The following ZBBX variants were observed in gnomAD, a reference collection of about 807,000 sequenced individuals.
ZBBX encodes the protein zinc finger B-box domain containing, also known as zinc finger B-box domain-containing protein 1.
ZBBX carries 101 observed loss-of-function variants against 108.5 expected under a neutral mutation model. That is an observed-to-expected ratio of 0.93 (90% CI 0.79 to 1.10). The LOEUF (loss-of-function observed/expected upper bound fraction) is 1.10, where lower values mean the gene tolerates loss of function less well. ZBBX is among the 50% of genes least tolerant of loss of function. The pLI, the probability that ZBBX is intolerant of heterozygous loss-of-function variation, is 0.00. For synonymous variants in ZBBX, 356 were observed against 323.4 expected, an observed-to-expected ratio of 1.10 and a Z score of -1.08; for missense variants, 1,009 against 941.4, an observed-to-expected ratio of 1.07 and a Z score of -0.94.
At chr3:167,191,934 T>TATATAGAGAGAGAGAG in the ZBBX span, among the ~76,000 whole-genome samples, 12 of 130,224 alleles carry the variant, frequency 9.2e-5, no homozygotes, top group African/African-American at 3.0e-4. Context: ...TATATATATA[T>TATATAGAGAGAGAGAG]AGAGCAAGTT....
At chr3:167,191,084 C>A in the ZBBX span, among the ~76,000 whole-genome samples, 1 of 152,136 alleles carries the variant, frequency 6.6e-6, no homozygotes, top group Admixed American at 6.5e-5. Context: ...CTGTTTCAAC[C>A]AAGTTACTAA....
intron 9 of ZBBX, among the ~76,000 whole-genome samples, chr3:167,342,390 ATG>A (rs1409781247): frequency 6.6e-6 from 1 of 151,832 alleles, no homozygotes; most frequent in Non-Finnish European, 1.5e-5. Flanking sequence ...ATTATCCTCT[ATG>A]TGTGAATAAA....
At chr3:167,347,327 T>C (rs1001522690) in intron 9 of ZBBX, among the ~76,000 whole-genome samples, 14 of 152,026 alleles carry the variant, frequency 9.2e-5, no homozygotes, top group Non-Finnish European at 2.1e-4. Flanking sequence ...CATATTAACA[T>C]ATCCATCACC....
chr3:167,387,794 C>T (rs1747963932), intron 1 of ZBBX, among the ~76,000 whole-genome samples: 1 of 151,896 alleles, frequency 6.6e-6, no homozygotes, highest in African/African-American at 2.4e-5. Flanking sequence ...TTATCAAAAT[C>T]TTATCAATGG....
At chr3:167,324,180 TG>T (rs1387147457) in intron 11 of ZBBX, among the ~76,000 whole-genome samples, 1 of 152,026 alleles carries the variant, frequency 6.6e-6, no homozygotes, top group Non-Finnish European at 1.5e-5. Flanking sequence ...GCTCTCACAT[TG>T]TCACCCAGGG....
intron 8 of ZBBX, among the ~76,000 whole-genome samples, chr3:167,357,248 T>A (rs180792038): frequency 6.6e-6 from 1 of 152,028 alleles, no homozygotes; most frequent in African/African-American, 2.4e-5. Flanking sequence ...GAAACAGATA[T>A]CAATGTCAAA....
downstream of ZBBX, among the ~76,000 whole-genome samples, chr3:167,236,237 G>A (rs1365760490): frequency 6.6e-6 from 1 of 151,610 alleles, no homozygotes; most frequent in Non-Finnish European, 1.5e-5. Context: ...CATAAACACT[G>A]GCTTTTTACA....
At chr3:167,281,104 TG>T (rs1201671163) in intron 20 of ZBBX, among the ~76,000 whole-genome samples, 1 of 151,902 alleles carries the variant, frequency 6.6e-6, no homozygotes, top group East Asian at 1.9e-4. Flanking sequence ...CGGACTGTTG[TG>T]GGGTGGGGGT....
chr3:167,378,733 A>G (rs945253851), intron 2 of ZBBX, among the ~76,000 whole-genome samples: 3 of 152,078 alleles, frequency 2.0e-5, no homozygotes, highest in Admixed American at 2.0e-4. Flanking sequence ...TACCCTTAGC[A>G]TCTCTGCTTT....
the ZBBX span, among the ~76,000 whole-genome samples, chr3:167,202,685 GGAA>G: frequency 2.0e-5 from 3 of 152,038 alleles, no homozygotes; most frequent in South Asian, 6.2e-4. Flanking sequence ...CCCTGAAAAT[GGAA>G]GTTTATAATG....
chr3:167,303,288 A>G (rs1196293509), intron 17 of ZBBX, among the ~76,000 whole-genome samples: 1 of 152,202 alleles, frequency 6.6e-6, no homozygotes, highest in Non-Finnish European at 1.5e-5. Context: ...CACTAAGTCA[A>G]CAATCCCTAC....
At chr3:167,196,575 T>G in the ZBBX span, among the ~76,000 whole-genome samples, 1 of 152,178 alleles carries the variant, frequency 6.6e-6, no homozygotes, top group African/African-American at 2.4e-5. Context: ...AAGTGGACCT[T>G]TTTCTGTAGC....
chr3:167,258,384 G>T (rs1723887885), intron 20 of ZBBX, among the ~76,000 whole-genome samples: 2 of 152,138 alleles, frequency 1.3e-5, no homozygotes, highest in Admixed American at 1.3e-4. Flanking sequence ...GGTGAGAAAT[G>T]AGGATCTAGT....
chr3:167,400,634 G>A (rs1199798530), intron 1 of ZBBX, among the ~76,000 whole-genome samples: 1 of 152,042 alleles, frequency 6.6e-6, no homozygotes, highest in East Asian at 1.9e-4. Context: ...AGTTAATTTA[G>A]AAAGTTTATT....
chr3:167,182,354 G>C, the ZBBX span, among the ~76,000 whole-genome samples: 1 of 152,176 alleles, frequency 6.6e-6, no homozygotes, highest in Non-Finnish European at 1.5e-5. Flanking sequence ...ATTGTCAAAA[G>C]CTAGTAACCG....
At chr3:167,280,855 A>T (rs1444586753) in intron 20 of ZBBX, among the ~76,000 whole-genome samples, 1 of 152,194 alleles carries the variant, frequency 6.6e-6, no homozygotes, top group Non-Finnish European at 1.5e-5. Context: ...GAACCAACCC[A>T]AATGTCCAAC....
chr3:167,322,993 C>T (rs932267644), intron 11 of ZBBX, among the ~76,000 whole-genome samples: 11 of 151,942 alleles, frequency 7.2e-5, no homozygotes, highest in Non-Finnish European at 7.4e-5. Flanking sequence ...GAAACAGCTA[C>T]GGGCCAGCAA....
At chr3:167,365,155 C>T (rs192711663) in intron 6 of ZBBX, among the ~76,000 whole-genome samples, 2 of 151,778 alleles carry the variant, frequency 1.3e-5, no homozygotes, top group African/African-American at 2.4e-5. Context: ...GAATAAAACG[C>T]TTTCTCAAAG....
intron 20 of ZBBX, among the ~76,000 whole-genome samples, chr3:167,251,925 A>AAC (rs3221849): frequency 0.26 from 37,302 of 143,636 alleles, 5,210 homozygotes; most frequent in East Asian, 0.62. Context: ...TTGTGCCTGC[A>AAC]ACACACACAC....
Sources: allele counts gnomAD v4.1 joint callset (sites outside exome capture counted in the v4.1 genomes callset), GRCh38; gene constraint gnomAD v4.1.1; transcripts MANE v1.5; gene names NCBI Gene and HGNC (gene_info 2026-07-23, HGNC 2026-07-21).